PDE8B: variants seen among roughly 807,000 people sequenced by gnomAD.
PDE8B encodes high affinity cAMP-specific and IBMX-insensitive 3',5'-cyclic phosphodiesterase 8B.
Under a neutral mutation model 101.3 loss-of-function variants are expected in PDE8B, and 26 were observed. The observed-to-expected ratio is 0.26, with a 90% confidence interval of 0.19 to 0.36. PDE8B has a LOEUF of 0.36. Ranked by LOEUF, PDE8B falls within the 10% of genes least tolerant of loss-of-function variation. The probability of loss-of-function intolerance (pLI) is 1.00; values close to 1 mark genes in which losing one functional copy is unlikely to be tolerated. For missense variants in PDE8B, 810 were observed against 1,163.1 expected (o/e 0.70, Z 4.42); for synonymous variants, 424 against 429.3 (o/e 0.99, Z 0.15).
chr5:77,135,157 G>T, the PDE8B span, among the ~76,000 whole-genome samples: 1 of 152,228 alleles, frequency 6.6e-6, no homozygotes, highest in Admixed American at 6.5e-5. Flanking sequence ...GCTGGACACA[G>T]TGTCACAGTT....
At chr5:77,215,219 T>G (rs991360839) in intron 1 of PDE8B, among the ~76,000 whole-genome samples, 1 of 152,232 alleles carries the variant, frequency 6.6e-6, no homozygotes, top group African/African-American at 2.4e-5. Flanking sequence ...AATGTCTTGC[T>G]TTGCCACCAC....
intron 1 of PDE8B, among the ~76,000 whole-genome samples, chr5:77,283,178 A>G (rs1765355894): frequency 6.6e-6 from 1 of 152,120 alleles, no homozygotes; most frequent in African/African-American, 2.4e-5. Context: ...TTTTTACAGC[A>G]TTTTTAGATT....
At chr5:77,421,715 G>C (rs1796684388) in intron 19 of PDE8B, 106 bp from the exon 20 acceptor site, 6 of 1,044,640 alleles carry the variant, frequency 5.7e-6, no homozygotes, top group Non-Finnish European at 8.9e-6. Context: ...CCGAGTCCCA[G>C]TCCTACCTGT....
chr5:77,388,300 G>A (rs559847379), intron 10 of PDE8B, among the ~76,000 whole-genome samples: 83 of 152,228 alleles, frequency 5.5e-4, no homozygotes, highest in African/African-American at 2.0e-3. Flanking sequence ...TGCTATTCCT[G>A]TCTGTTAGTT....
intron 1 of PDE8B, among the ~76,000 whole-genome samples, chr5:77,259,049 G>GACAC (rs10552319): frequency 9.1e-5 from 7 of 76,698 alleles, no homozygotes; most frequent in African/African-American, 2.4e-4. Context: ...CACACACACA[G>GACAC]ACACACACAC....
intron 14 of PDE8B, chr5:77,410,345 A>T (rs1794302522): frequency 6.6e-6 from 1 of 152,244 alleles, no homozygotes; most frequent in Admixed American, 6.5e-5. Context: ...TATTTCTAGA[A>T]TGAGGGTGGT....
At chr5:77,326,309 A>C (rs1175853900) in intron 3 of PDE8B, among the ~76,000 whole-genome samples, 1 of 152,252 alleles carries the variant, frequency 6.6e-6, no homozygotes, top group Non-Finnish European at 1.5e-5. Flanking sequence ...CTCAGTCATA[A>C]GAGTTAGCTC....
intron 1 of PDE8B, among the ~76,000 whole-genome samples, chr5:77,280,634 G>A (rs555008372): frequency 1.4e-4 from 22 of 152,268 alleles, no homozygotes; most frequent in African/African-American, 5.3e-4. Flanking sequence ...GGTGGCTCAC[G>A]CCTGTAATCC....
At chr5:77,248,657 A>G (rs958148175) in intron 1 of PDE8B, among the ~76,000 whole-genome samples, 1 of 152,226 alleles carries the variant, frequency 6.6e-6, no homozygotes, top group African/African-American at 2.4e-5. Context: ...CTCTGGGGAA[A>G]GAAACAATCT....
At chr5:77,348,422 T>C (rs1388635788) in intron 7 of PDE8B, among the ~76,000 whole-genome samples, 6 of 152,092 alleles carry the variant, frequency 3.9e-5, no homozygotes, top group Non-Finnish European at 8.8e-5. Context: ...CCAGGCAGAA[T>C]TTTGAAAAGA....
At chr5:77,417,606 C>T (rs1455082452) in intron 17 of PDE8B, among the ~76,000 whole-genome samples, 2 of 152,204 alleles carry the variant, frequency 1.3e-5, no homozygotes, top group Non-Finnish European at 2.9e-5. Context: ...TCTTTAATTA[C>T]ATAATGAGAG....
At chr5:77,206,227 G>A (rs1220753659), upstream of PDE8B, among the ~76,000 whole-genome samples, 2 of 152,180 alleles carry the variant, frequency 1.3e-5, no homozygotes, top group South Asian at 4.1e-4. Flanking sequence ...AAAAGTATGG[G>A]ATCCATCAGT....
At chr5:77,140,259 C>T in the PDE8B span, 2 of 152,046 alleles carry the variant, frequency 1.3e-5, no homozygotes, top group Admixed American at 1.3e-4. Flanking sequence ...AAACCTATAG[C>T]CCAAGGACAC....
chr5:77,094,921 A>G, the PDE8B span, among the ~76,000 whole-genome samples: 7 of 152,010 alleles, frequency 4.6e-5, no homozygotes, highest in Non-Finnish European at 1.0e-4. Context: ...TGACTCACAT[A>G]CCTCCCATTA....
Position 77,358,276 on chromosome 5 carries a change from A to G in PDE8B, c.1167+4870A>G, listed in dbSNP as rs76849939. Among the ~76,000 whole-genome samples, 54 of 152,314 alleles carry G rather than the reference A, an allele frequency of 3.5e-4. 1 individual carries two copies. The East Asian group carries it at 5.2e-3, about 15-fold the overall frequency. ...AATTCCCAGTACTTGGCTCTTTTACATGCTTTTAAATAGTGTGGACCTTTT... is the reference window on the plus strand; with the variant it reads ...AATTCCCAGTACTTGGCTCTTTTACGTGCTTTTAAATAGTGTGGACCTTTT... On this transcript the variant is annotated intron_variant, in intron 10 of 21. Coordinates refer to ENST00000264917, the MANE Select transcript of PDE8B (RefSeq NM_003719.5).
intron 10 of PDE8B, among the ~76,000 whole-genome samples, chr5:77,368,675 G>A (rs1284858717): frequency 1.3e-5 from 2 of 152,162 alleles, no homozygotes; most frequent in Non-Finnish European, 2.9e-5. Flanking sequence ...TGCTAGGTAG[G>A]TGACTAATAC....
the PDE8B span, among the ~76,000 whole-genome samples, chr5:77,172,422 C>A: frequency 6.6e-6 from 1 of 152,220 alleles, no homozygotes; most frequent in Non-Finnish European, 1.5e-5. Context: ...GAGAAGCAGA[C>A]AATGACGGTG....
At chr5:77,193,715 G>C in the PDE8B span, among the ~76,000 whole-genome samples, 1 of 151,990 alleles carries the variant, frequency 6.6e-6, no homozygotes, top group Non-Finnish European at 1.5e-5. Context: ...AAACCTGTTG[G>C]GTTTTGATTG....
intron 2 of PDE8B, among the ~76,000 whole-genome samples, chr5:77,323,857 G>A (rs112035504): frequency 0.037 from 5,687 of 152,260 alleles, 141 homozygotes; most frequent in African/African-American, 0.06. Flanking sequence ...TACTCGGGAG[G>A]CTGAGGCAGG....
Sources: allele counts gnomAD v4.1 joint callset (sites outside exome capture counted in the v4.1 genomes callset), GRCh38; gene constraint gnomAD v4.1.1; transcripts MANE v1.5; gene names NCBI Gene and HGNC (gene_info 2026-07-23, HGNC 2026-07-21).